The following CIROZ variants were observed in gnomAD, a reference collection of about 807,000 sequenced individuals.
The protein encoded by CIROZ is ciliated left-right organizer protein containing ZP-N domains.
At chr1:10,955,915 T>C in the CIROZ span, among the ~76,000 whole-genome samples, 1 of 151,922 alleles carries the variant, frequency 6.6e-6, no homozygotes, top group Non-Finnish European at 1.5e-5. Context: ...AATTTCACTG[T>C]GTCAGGCTCT....
the CIROZ span, among the ~76,000 whole-genome samples, chr1:10,946,920 A>C: frequency 6.6e-6 from 1 of 152,190 alleles, no homozygotes; most frequent in Non-Finnish European, 1.5e-5. Context: ...TGTCTGAACC[A>C]TGGCTCAGGC....
At chr1:10,958,578 AAG>A in the CIROZ span, 1 of 1,050,732 alleles carries the variant, frequency 9.5e-7, no homozygotes, top group Admixed American at 1.8e-5. Context: ...CTGGTCCTTG[AAG>A]AGTCTGTACC....
At chr1:10,949,838 A>G in the CIROZ span, 1 of 1,519,846 alleles carries the variant, frequency 6.6e-7, no homozygotes, top group Non-Finnish European at 8.9e-7. Flanking sequence ...GACAGAGGTC[A>G]GCCTTCCTCC....
the CIROZ span, among the ~76,000 whole-genome samples, chr1:10,978,719 GAA>G: frequency 6.6e-6 from 1 of 151,908 alleles, no homozygotes; most frequent in Middle Eastern, 3.2e-3. Flanking sequence ...CAAAAAAAAA[GAA>G]AGAGTCCCAT....
the CIROZ span, chr1:10,958,778 T>G: frequency 3.1e-6 from 5 of 1,613,296 alleles, no homozygotes; most frequent in African/African-American, 2.7e-5. Context: ...GGAAGCAATG[T>G]CTCCTGCAAG....
the CIROZ span, chr1:10,954,073 CAA>C: frequency 6.2e-7 from 1 of 1,613,746 alleles, no homozygotes; most frequent in East Asian, 2.2e-5. Context: ...GCCATCTCGG[CAA>C]ATTCCAGGCT....
chr1:10,954,707 C>T, the CIROZ span, among the ~76,000 whole-genome samples: 2 of 152,176 alleles, frequency 1.3e-5, no homozygotes, highest in Admixed American at 1.3e-4. Flanking sequence ...GTGGCACAAT[C>T]ACAGCTCATT....
chr1:10,946,627 C>T, the CIROZ span: 1 of 151,986 alleles, frequency 6.6e-6, no homozygotes, highest in Non-Finnish European at 1.5e-5. Context: ...AGTGAGTGCT[C>T]TTCCGGCCCA....
chr1:10,975,002 T>C, the CIROZ span, among the ~76,000 whole-genome samples: 8 of 152,184 alleles, frequency 5.3e-5, no homozygotes, highest in Non-Finnish European at 1.0e-4. Flanking sequence ...CTGGGCATGG[T>C]GGCTCACGCC....
At chr1:10,951,566 A>AAT in the CIROZ span, among the ~76,000 whole-genome samples, 74 of 149,646 alleles carry the variant, frequency 4.9e-4, no homozygotes, top group Middle Eastern at 3.4e-3. Context: ...AAAAAAAAAA[A>AAT]GTTTAAAAAC....
the CIROZ span, chr1:10,964,186 G>C: frequency 6.2e-7 from 1 of 1,614,038 alleles, no homozygotes. Context: ...CCTTAGCATC[G>C]GACACTTCAT....
chr1:10,953,700 G>A, the CIROZ span, among the ~76,000 whole-genome samples: 5 of 152,172 alleles, frequency 3.3e-5, no homozygotes, highest in African/African-American at 1.2e-4. Flanking sequence ...GGAAAACTGA[G>A]GCTCAACATG....
chr1:10,978,312 G>A, the CIROZ span, among the ~76,000 whole-genome samples: 1 of 150,580 alleles, frequency 6.6e-6, no homozygotes, highest in Non-Finnish European at 1.5e-5. Context: ...GTCTCCCAAA[G>A]TGCTGGGATT....
At chr1:10,960,315 G>A in the CIROZ span, among the ~76,000 whole-genome samples, 1 of 152,074 alleles carries the variant, frequency 6.6e-6, no homozygotes, top group African/African-American at 2.4e-5. The surrounding 1 kb of genome is among the most constrained non-coding windows in gnomAD (Gnocchi z 4.6). Context: ...GAGGCACGAG[G>A]TTCGCTTCAA....
chr1:10,953,527 C>T, the CIROZ span, among the ~76,000 whole-genome samples: 725 of 152,300 alleles, frequency 4.8e-3, 16 homozygotes, highest in Admixed American at 0.031. Context: ...GCCAAGGACA[C>T]TCGTCTGTCT....
At chr1:10,969,902 T>C in the CIROZ span, 37 of 1,456,968 alleles carry the variant, frequency 2.5e-5, no homozygotes, top group South Asian at 1.3e-4. Flanking sequence ...GGGAGGAGCA[T>C]TGCAGGCAGG....
At chr1:10,949,607 T>C in the CIROZ span, 10 of 1,591,730 alleles carry the variant, frequency 6.3e-6, no homozygotes, top group Non-Finnish European at 8.5e-6. Flanking sequence ...GGGCAGAGGA[T>C]GCAGCCATAG....
chr1:10,950,030 C>CTTT, the CIROZ span, among the ~76,000 whole-genome samples: 360 of 101,622 alleles, frequency 3.5e-3, 2 homozygotes, highest in African/African-American at 6.4e-3. Context: ...CATCAAGATT[C>CTTT]TTTTTTTTTT....
the CIROZ span, chr1:10,970,009 C>A: frequency 6.5e-7 from 1 of 1,537,036 alleles, no homozygotes; most frequent in Non-Finnish European, 8.7e-7. Flanking sequence ...CGCCTCAGCC[C>A]CTCCACGTGG....
Sources: allele counts gnomAD v4.1 joint callset (sites outside exome capture counted in the v4.1 genomes callset), GRCh38; gene constraint gnomAD v4.1.1; non-coding constraint Gnocchi (gnomAD v3.1); transcripts MANE v1.5; gene names NCBI Gene and HGNC (gene_info 2026-07-23, HGNC 2026-07-21).